The following GRIN2B variants were observed in gnomAD, a reference collection of about 807,000 sequenced individuals.
GRIN2B encodes the protein glutamate receptor ionotropic, NMDA 2B.
A neutral mutation model predicts 114.5 loss-of-function variants in GRIN2B; 5 were observed. The observed-to-expected ratio is 0.04, with a 90% CI of 0.02 to 0.09. The LOEUF is 0.09. GRIN2B is among the 10% of genes least tolerant of loss of function. The probability of loss-of-function intolerance (pLI) is 1.00; values close to 1 mark genes in which losing one functional copy is unlikely to be tolerated. For missense variants in GRIN2B, 1,108 were observed against 1,943.5 expected (o/e 0.57, Z 8.08); for synonymous variants, 787 against 745.1 (o/e 1.06, Z -0.92).
rs758288071 is a variant in GRIN2B at position 13,563,224 on chromosome 12, G to A, written c.4014C>T (p.His1338=). Reference sequence around the variant, plus strand: ...TCTCGCCAGCTGACATCTCAAACATGTGGGCGTAGGGGCTCCCATCCATGA... The same window carrying A: ...TCTCGCCAGCTGACATCTCAAACATATGGGCGTAGGGGCTCCCATCCATGA... ...GRFMDGSPYA[H]MFEMSAGEST... is the part of the protein sequence containing the mutation. Residue 1338 remains histidine (H), a synonymous_variant, in exon 14 of 14, where the codon CAC becomes CAT. Coordinates refer to ENST00000609686, the MANE Select transcript of GRIN2B (RefSeq NM_000834.5). 8 of 1,614,126 alleles carry A rather than the reference G, an allele frequency of 5.0e-6. No homozygotes were observed. Among genetic ancestry groups the A allele is most frequent in the Middle Eastern group, 3.3e-4 (2 of 6,084 alleles).
intron 4 of GRIN2B, among the ~76,000 whole-genome samples, chr12:13,702,297 A>G (rs2136569987): frequency 6.6e-6 from 1 of 152,312 alleles, no homozygotes; most frequent in Middle Eastern, 3.4e-3. Flanking sequence ...AGGGAATCTC[A>G]AGGTATTTAA....
At chr12:13,665,285 A>AT (rs1248499557) in intron 5 of GRIN2B, among the ~76,000 whole-genome samples, 1 of 150,632 alleles carries the variant, frequency 6.6e-6, no homozygotes, top group African/African-American at 2.5e-5. Context: ...TCTTCCTTCT[A>AT]TTTTTGCTAA....
In GRIN2B at chr12:13,731,216, T is replaced by A. The variant is rs944385187; in HGVS notation, c.1010+22101A>T. ...AGGCACTACAAGACATCCTCACTAA[T>A]GTGTCCAGCCCTCAGTTCAGAATTT... On this transcript the variant is annotated intron_variant, in intron 4 of 13. Coordinates refer to ENST00000609686, the MANE Select transcript of GRIN2B (RefSeq NM_000834.5). Among the ~76,000 whole-genome samples the A allele has an allele frequency of 3.3e-5, 5 of 152,176 alleles. No individual in the cohort carries two copies. In the South Asian group the frequency reaches 8.3e-4, roughly 25 times the overall value.
At chr12:13,934,677 T>C (rs1210603114) in intron 2 of GRIN2B, among the ~76,000 whole-genome samples, 1 of 144,100 alleles carries the variant, frequency 6.9e-6, no homozygotes, top group Non-Finnish European at 1.5e-5. Context: ...GGCCATCACG[T>C]ACAACTTCAT....
At position 13,943,691 on chromosome 12, in the gene GRIN2B, C is replaced by A. The variant is rs1002789122; in HGVS notation, c.-19+36237G>T. ...TCATCCCAAAGAACTACATTCCTAC[C>A]TCTTCAGTTCATTTATGCCTCTCTG... On this transcript the variant is annotated intron_variant, in intron 2 of 13. Coordinates refer to ENST00000609686, the MANE Select transcript of GRIN2B (RefSeq NM_000834.5). 2.0e-5 allele frequency among the ~76,000 whole-genome samples: 3 copies of A among 152,288 alleles called. No homozygotes were observed. The Middle Eastern group carries it at 0.01, about 518-fold the overall frequency.
chr12:13,656,751 T>C (rs972339300), intron 5 of GRIN2B, among the ~76,000 whole-genome samples: 3 of 152,186 alleles, frequency 2.0e-5, no homozygotes, highest in African/African-American at 7.2e-5. Flanking sequence ...AATGAATAAA[T>C]AGATGTCACT....
At chr12:13,855,442 C>T (rs939820499) in intron 3 of GRIN2B, among the ~76,000 whole-genome samples, 1 of 152,104 alleles carries the variant, frequency 6.6e-6, no homozygotes, top group Non-Finnish European at 1.5e-5. Context: ...CCTAAGGCTG[C>T]AGAAGACTCG....
rs1023562856 is a variant in GRIN2B, at chr12:13,959,343, G to A, written c.-19+20585C>T. The stretch of plus-strand genomic sequence containing the variant: ...AAAGGCAGGCAGCCGCCAGGGTGGG[G>A]CCCGCAGGGAGAGGGAGGTCAGGCT... On this transcript the variant is annotated intron_variant, in intron 2 of 13. Coordinates refer to ENST00000609686, the MANE Select transcript of GRIN2B (RefSeq NM_000834.5). Among the ~76,000 whole-genome samples the A allele has an allele frequency of 3.3e-5, 5 of 152,314 alleles. No homozygotes were observed. In the South Asian group the frequency reaches 1.0e-3, roughly 32 times the overall value.
chr12:13,785,128 A>G (rs1448676664), intron 3 of GRIN2B, among the ~76,000 whole-genome samples: 1 of 152,218 alleles, frequency 6.6e-6, no homozygotes, highest in Admixed American at 6.5e-5. Context: ...AATCCTTATC[A>G]TTAATTCAAT....
At chr12:13,768,326 C>T (rs1276811356) in intron 3 of GRIN2B, among the ~76,000 whole-genome samples, 1 of 152,188 alleles carries the variant, frequency 6.6e-6, no homozygotes, top group African/African-American at 2.4e-5. Flanking sequence ...GAGCCAGAAC[C>T]ATCAGATCCT....
At chr12:13,692,569 T>C (rs1243854380) in intron 4 of GRIN2B, among the ~76,000 whole-genome samples, 1 of 151,922 alleles carries the variant, frequency 6.6e-6, no homozygotes, top group East Asian at 1.9e-4. Context: ...TTAGGTGAAC[T>C]GCCGTGTCTA....
At chr12:13,713,032 A>C (rs1195942084) in intron 4 of GRIN2B, among the ~76,000 whole-genome samples, 1 of 151,896 alleles carries the variant, frequency 6.6e-6, no homozygotes, top group Non-Finnish European at 1.5e-5. Context: ...TCCCTCCTTC[A>C]ATATGCTTAC....
At chr12:13,925,798 G>C (rs1866901946) in intron 2 of GRIN2B, among the ~76,000 whole-genome samples, 1 of 152,096 alleles carries the variant, frequency 6.6e-6, no homozygotes, top group South Asian at 2.1e-4. Context: ...CAGCACTAAT[G>C]ACCTGTTGAT....
intron 5 of GRIN2B, among the ~76,000 whole-genome samples, chr12:13,669,304 A>C (rs1950003175): frequency 6.6e-6 from 1 of 151,986 alleles, no homozygotes; most frequent in African/African-American, 2.4e-5. Flanking sequence ...ATTATTCTTC[A>C]CACATTTAAA....
At chr12:13,620,724 T>C (rs761075125) in intron 5 of GRIN2B, among the ~76,000 whole-genome samples, 10 of 152,194 alleles carry the variant, frequency 6.6e-5, no homozygotes, top group Non-Finnish European at 1.2e-4. Flanking sequence ...CATAATTTCA[T>C]GATCATAATT....
chr12:13,594,610 A>G (rs1247967516), intron 10 of GRIN2B, among the ~76,000 whole-genome samples: 1 of 150,786 alleles, frequency 6.6e-6, no homozygotes, highest in Non-Finnish European at 1.5e-5. Flanking sequence ...CCACCATGGC[A>G]TGTGTATATC....
chr12:13,914,975 C>T (rs1415034918), intron 2 of GRIN2B, among the ~76,000 whole-genome samples: 1 of 152,060 alleles, frequency 6.6e-6, no homozygotes, highest in Non-Finnish European at 1.5e-5. Context: ...AAATACCTAC[C>T]TAGTGCTCAG....
chr12:13,678,213 G>GA (rs1950093897), intron 4 of GRIN2B, among the ~76,000 whole-genome samples: 1 of 152,136 alleles, frequency 6.6e-6, no homozygotes, highest in Admixed American at 6.6e-5. Flanking sequence ...ATTGCTAAGT[G>GA]AAAATGCTAT....
At position 13,546,022 on chromosome 12, in the gene GRIN2B, A is replaced by G. The variant is rs535074822; in HGVS notation, c.*16761T>C. The G allele has an allele frequency of 1.2e-4, 18 of 152,308 alleles. No homozygotes were observed. Among genetic ancestry groups the G allele is most frequent in the African/African-American group, 4.1e-4 (17 of 41,564 alleles). 9.4% of individuals were successfully genotyped at this position (152,308 alleles called of 1,614,324 possible). On this transcript the variant is annotated 3_prime_UTR_variant, in exon 14 of 14. Coordinates refer to ENST00000609686, the MANE Select transcript of GRIN2B (RefSeq NM_000834.5). ...GAAGTAAACAGTAATCACATTAACAACCTAGTGATTTCACTGGAGATGGGA... is the reference window on the plus strand; with the variant it reads ...GAAGTAAACAGTAATCACATTAACAGCCTAGTGATTTCACTGGAGATGGGA...
Sources: allele counts gnomAD v4.1 joint callset (sites outside exome capture counted in the v4.1 genomes callset), GRCh38; gene constraint gnomAD v4.1.1; transcripts MANE v1.5; gene names NCBI Gene and HGNC (gene_info 2026-07-23, HGNC 2026-07-21).